Variants in KIR2DL4 observed in about 807,000 individuals in gnomAD.
KIR2DL4 encodes the protein killer cell immunoglobulin like receptor, two Ig domains and long cytoplasmic tail 4.
KIR2DL4 carries 41 observed loss-of-function variants against 31.0 expected under a neutral mutation model. The observed-to-expected ratio is 1.32, with a 90% CI of 1.03 to 1.72. KIR2DL4 has a LOEUF of 1.72. KIR2DL4 is among the 40% of genes most tolerant of loss of function. The pLI, the probability that KIR2DL4 is intolerant of heterozygous loss-of-function variation, is 0.00. For synonymous variants in KIR2DL4, 164 were observed against 133.6 expected, an observed-to-expected ratio of 1.23 and a Z score of -1.57; for missense variants, 438 against 353.7, an observed-to-expected ratio of 1.24 and a Z score of -1.91.
In KIR2DL4 at chr19:54,805,104, C is replaced by T; in HGVS notation, c.361+27C>T. 2 of 1,562,324 alleles carry T rather than the reference C, an allele frequency of 1.3e-6. 1 individual carries two copies. Among genetic ancestry groups the T allele is most frequent in the Non-Finnish European group, 1.7e-6 (2 of 1,158,890 alleles). On this transcript the variant is annotated intron_variant, in intron 3 of 7. Transcript: ENST00000359085. ...TCAGAGGGCTCCTGTCTGGGCTTCT[C>T]CTTGTCCCACCTCCTGAGTCCCAGA...
intron 4 of KIR2DL4, 33 bp from the exon 5 acceptor site, chr19:54,808,800 A>ATTT: frequency 1.4e-6 from 2 of 1,474,566 alleles, no homozygotes; most frequent in Admixed American, 3.4e-5. Flanking sequence ...AGGCATCCTC[A>ATTT]TTGCCACACC....
intron 5 of KIR2DL4, among the ~76,000 whole-genome samples, chr19:54,812,327 T>G (rs2060911382): frequency 6.6e-6 from 1 of 151,258 alleles, no homozygotes. Context: ...TCACTTCATG[T>G]GCACTGTAGC....
chr19:54,811,698 G>A (rs1478404106), intron 5 of KIR2DL4, among the ~76,000 whole-genome samples: 1 of 151,310 alleles, frequency 6.6e-6, no homozygotes, highest in Admixed American at 6.6e-5. Context: ...TCACATTAAT[G>A]ATACAGATAG....
At chr19:54,813,280 G>A (rs1346562598) in intron 6 of KIR2DL4, 3 of 1,598,624 alleles carry the variant, frequency 1.9e-6, no homozygotes, top group African/African-American at 2.8e-5. Context: ...TGCGGAAGCA[G>A]GATGGGAGCA....
At chr19:54,806,306 C>A in intron 4 of KIR2DL4, 62 bp downstream of exon 4, 1 of 1,499,508 alleles carries the variant, frequency 6.7e-7, no homozygotes, top group South Asian at 1.2e-5. Context: ...GAGGAGCTTC[C>A]TGCTGATGAT....
intron 5 of KIR2DL4, among the ~76,000 whole-genome samples, chr19:54,812,851 C>T (rs2060944210): frequency 2.3e-5 from 1 of 43,676 alleles, no homozygotes; most frequent in South Asian, 4.9e-4. Context: ...AACACCCCTC[C>T]CAATAGGCAC....
chr19:54,808,837 C>T, exon 5 of KIR2DL4: 4 of 1,588,198 alleles, frequency 2.5e-6, no homozygotes, highest in Non-Finnish European at 3.4e-6. Context: ...TTCTAGGAAA[C>T]CCTTCTAGTA....
At chr19:54,813,349 C>G in intron 6 of KIR2DL4, 2 of 1,493,542 alleles carry the variant, frequency 1.3e-6, no homozygotes, top group Non-Finnish European at 1.8e-6. Flanking sequence ...GAGCCAGAGG[C>G]AGAGCTTTCT....
chr19:54,805,833 T>TGAGA (rs3050844), intron 3 of KIR2DL4, 118 bp from the exon 4 acceptor site: 28,093 of 809,626 alleles, frequency 0.035, 1 homozygote, highest in South Asian at 0.055. Flanking sequence ...GGGTGGAGGG[T>TGAGA]GAGAGAGAGA....
chr19:54,810,642 AT>A (rs1168123186), intron 5 of KIR2DL4, among the ~76,000 whole-genome samples: 1 of 151,416 alleles, frequency 6.6e-6, no homozygotes, highest in Non-Finnish European at 1.5e-5. Context: ...AATGCTGGGA[AT>A]GACATGGGGA....
intron 4 of KIR2DL4, among the ~76,000 whole-genome samples, chr19:54,808,211 A>G (rs796170106): frequency 7.7e-6 from 1 of 129,550 alleles, no homozygotes; most frequent in East Asian, 2.6e-4. Flanking sequence ...ATATAATCCC[A>G]ATGGTCTATT....
intron 5 of KIR2DL4, chr19:54,813,007 T>G: frequency 1.5e-6 from 1 of 688,130 alleles, no homozygotes; most frequent in Middle Eastern, 3.4e-4. Context: ...TCCCGCCTCG[T>G]GGGTGCTTGT....
At position 54,807,114 on chromosome 19, in the gene KIR2DL4, G is replaced by A. The variant is rs1344087423; in HGVS notation, c.655+870G>A. On this transcript the variant is annotated intron_variant, in intron 4 of 7. Transcript: ENST00000359085. ...CCATTCTACTCTCTACCTTCATGAG[G>A]TCCACCTTTTACATCCTGCATGTGA... 5.3e-5 allele frequency among the ~76,000 whole-genome samples: 8 copies of A among 150,632 alleles called. 1 individual carries two copies. The highest frequency in any genetic ancestry group is 2.0e-4 in the Admixed American group (3 of 15,130).
rs2060494356 is a variant in KIR2DL4 at position 54,805,983 on chromosome 19, C to T, written c.394C>T (p.Pro132Ser). 3.7e-6 allele frequency: 6 copies of T among 1,609,684 alleles called. No homozygotes were observed. The East Asian group carries it at 1.1e-4, about 30-fold the overall frequency. Residue 132 changes from proline to serine, a missense_variant, in exon 4 of 8, where the codon CCG (proline) becomes TCG (serine). Pro to Ser is a moderately conservative substitution (Grantham distance 74). Coordinates refer to ENST00000359085, the Ensembl canonical transcript of KIR2DL4. ...TGAGAAACCTTCGCTTACAGCCCGG[C>T]CGGGCCCCACGGTTCGCGCAGGAGA...
intron 5 of KIR2DL4, among the ~76,000 whole-genome samples, chr19:54,809,883 C>T (rs2060753420): frequency 6.6e-6 from 1 of 150,698 alleles, no homozygotes; most frequent in Non-Finnish European, 1.5e-5. Context: ...CTGCAATCTG[C>T]ATTCCTTTTT....
intron 6 of KIR2DL4, 73 bp from the exon 6 acceptor site, chr19:54,813,617 G>A (rs919294792): frequency 5.4e-6 from 8 of 1,483,074 alleles, no homozygotes; most frequent in South Asian, 1.2e-5. Flanking sequence ...CCCCCTGTGT[G>A]TTGGTATCTG....
Position 54,803,721 on chromosome 19 carries a change from G to T in KIR2DL4, c.40+30G>T, listed in dbSNP as rs1402084262. 5.6e-6 allele frequency: 9 copies of T among 1,606,646 alleles called. No homozygotes were observed. The African/African-American group carries it at 6.8e-5, about 12-fold the overall frequency. The stretch of plus-strand genomic sequence containing the variant: ...GTCCTGGAAGGGAAGGAGCACCAGG[G>T]TTACACTATGGGCCTGCAGATTGGG... On this transcript the variant is annotated intron_variant, in intron 1 of 7. Coordinates refer to ENST00000359085, the Ensembl canonical transcript of KIR2DL4.
chr19:54,810,087 A>T (rs1369292609), intron 5 of KIR2DL4, among the ~76,000 whole-genome samples: 1 of 149,326 alleles, frequency 6.7e-6, no homozygotes, highest in African/African-American at 2.5e-5. Context: ...TGAATGATCC[A>T]TTGGGAAGCA....
In KIR2DL4 at chr19:54,805,950, G is replaced by C; in HGVS notation, c.362-1G>C. 6.2e-7 allele frequency: 1 copy of C among 1,602,824 alleles called. No homozygotes were observed. Among genetic ancestry groups the C allele is most frequent in the Middle Eastern group, 1.7e-4 (1 of 5,990 alleles). On this transcript the variant is annotated splice_acceptor_variant, in intron 3 of 7. Transcript: ENST00000359085. LOFTEE classifies it high-confidence loss of function. ...GAGGAAACTGCCTCTTCTCCTTCCA[G>C]GTCTATATGAGAAACCTTCGCTTAC...
Sources: gnomAD v4.1 joint callset for allele counts (sites outside exome capture counted in the v4.1 genomes callset) on GRCh38, gnomAD v4.1.1 for gene constraint, MANE v1.5 for transcripts, NCBI Gene and HGNC (gene_info 2026-07-23, HGNC 2026-07-21) for gene names.